Variants in SIAH3 observed in about 807,000 individuals in gnomAD.
The protein encoded by SIAH3 is siah E3 ubiquitin protein ligase family member 3.
Under a neutral mutation model 12.6 loss-of-function variants are expected in SIAH3, and 9 were observed. The observed-to-expected ratio is 0.72, with a 90% CI of 0.43 to 1.25. SIAH3 has a LOEUF of 1.25. Ranked by LOEUF, SIAH3 falls within the 50% of genes most tolerant of loss-of-function variation. The pLI, the probability that SIAH3 is intolerant of heterozygous loss-of-function variation, is 0.00. For missense variants in SIAH3, 390 were observed against 365.4 expected, an observed-to-expected ratio of 1.07 and a Z score of -0.55; for synonymous variants, 154 against 151.1, an observed-to-expected ratio of 1.02 and a Z score of -0.14.
intron 1 of SIAH3, among the ~76,000 whole-genome samples, chr13:45,829,522 T>C (rs1950690961): frequency 6.6e-6 from 1 of 152,140 alleles, no homozygotes; most frequent in Non-Finnish European, 1.5e-5. Flanking sequence ...AGTTGGAGGA[T>C]TGCTTGAGCC....
chr13:45,838,126 A>T (rs1950725344), intron 1 of SIAH3, among the ~76,000 whole-genome samples: 2 of 152,182 alleles, frequency 1.3e-5, no homozygotes, highest in Admixed American at 1.3e-4. Context: ...AGGGAGGTAA[A>T]GGGCAAGTGT....
chr13:45,850,327 G>A (rs1159601084), intron 1 of SIAH3, among the ~76,000 whole-genome samples: 1 of 152,200 alleles, frequency 6.6e-6, no homozygotes, highest in Non-Finnish European at 1.5e-5. Flanking sequence ...CAGTCCGGCC[G>A]TGGGAGTTTA....
chr13:45,799,688 G>A (rs1950574992), intron 1 of SIAH3, among the ~76,000 whole-genome samples: 1 of 152,156 alleles, frequency 6.6e-6, no homozygotes, highest in Admixed American at 6.5e-5. Context: ...TGGGCACTGT[G>A]CCCCAGGCTT....
At chr13:45,834,184 A>C (rs923858436) in intron 1 of SIAH3, among the ~76,000 whole-genome samples, 3 of 152,200 alleles carry the variant, frequency 2.0e-5, no homozygotes, top group African/African-American at 7.2e-5. Flanking sequence ...TCTTACTAGA[A>C]TTATCCTGGA....
intron 1 of SIAH3, among the ~76,000 whole-genome samples, chr13:45,798,994 A>C (rs1950572612): frequency 6.6e-6 from 1 of 152,176 alleles, no homozygotes; most frequent in Non-Finnish European, 1.5e-5. Context: ...GCCTCACGAC[A>C]AGTAGTCCAA....
intron 1 of SIAH3, among the ~76,000 whole-genome samples, chr13:45,822,336 A>G (rs987169840): frequency 6.6e-6 from 1 of 151,898 alleles, no homozygotes; most frequent in Non-Finnish European, 1.5e-5. Flanking sequence ...GCAATCATTC[A>G]TTATTTTTTC....
At chr13:45,847,118 T>C (rs1329778324) in intron 1 of SIAH3, among the ~76,000 whole-genome samples, 1 of 152,106 alleles carries the variant, frequency 6.6e-6, no homozygotes, top group Non-Finnish European at 1.5e-5. Context: ...GACAGTGAAA[T>C]GCCCAGAGGA....
chr13:45,790,811 C>T (rs1413364121), intron 1 of SIAH3, among the ~76,000 whole-genome samples: 1 of 152,218 alleles, frequency 6.6e-6, no homozygotes, highest in Non-Finnish European at 1.5e-5. Context: ...TGCCTCCCTA[C>T]CTGACTTGTG....
intron 1 of SIAH3, among the ~76,000 whole-genome samples, chr13:45,808,468 A>G (rs1266191759): frequency 1.3e-5 from 2 of 152,336 alleles, no homozygotes; most frequent in Non-Finnish European, 2.9e-5. Flanking sequence ...CATCAATGAC[A>G]TGGTGACTTT....
intron 1 of SIAH3, among the ~76,000 whole-genome samples, chr13:45,827,428 C>G: frequency 6.6e-6 from 1 of 152,198 alleles, no homozygotes; most frequent in Admixed American, 6.5e-5. Context: ...AAACAAACCT[C>G]TACTTATTCA....
chr13:45,851,176 G>A (rs1359386123), intron 1 of SIAH3, among the ~76,000 whole-genome samples: 1 of 152,108 alleles, frequency 6.6e-6, no homozygotes, highest in Non-Finnish European at 1.5e-5. Context: ...GGGAGTGATG[G>A]GGACGCCCCC....
intron 1 of SIAH3, among the ~76,000 whole-genome samples, chr13:45,814,861 T>C (rs1210682868): frequency 1.3e-5 from 2 of 152,092 alleles, no homozygotes; most frequent in Non-Finnish European, 2.9e-5. Context: ...TAGCTGGGAT[T>C]ATAGGTGTGT....
chr13:45,843,244 C>T (rs1950747243), intron 1 of SIAH3, among the ~76,000 whole-genome samples: 1 of 152,092 alleles, frequency 6.6e-6, no homozygotes, highest in Admixed American at 6.5e-5. Context: ...GCTGTGTCCT[C>T]AAGGTGCAAC....
At position 45,838,156 on chromosome 13, in the gene SIAH3, T is replaced by A. The variant is rs1275092390; in HGVS notation, c.135+13339A>T. ...AAGTGTCATCTTCTCATCTGACAGA[T>A]GAAGTAGCCAAGGTTAAGTGACTTG... On this transcript the variant is annotated intron_variant, in intron 1 of 1. Coordinates refer to ENST00000400405, the MANE Select transcript of SIAH3 (RefSeq NM_198849.3). Among the ~76,000 whole-genome samples the A allele has an allele frequency of 2.8e-5, 4 of 143,278 alleles. No homozygotes were observed. The Admixed American group carries it at 3.0e-4, about 11-fold the overall frequency. 94.0% of individuals were successfully genotyped at this position (143,278 alleles called of 152,430 possible).
chr13:45,808,161 ATTTTCTG>A (rs1950604167), intron 1 of SIAH3, among the ~76,000 whole-genome samples: 1 of 152,142 alleles, frequency 6.6e-6, no homozygotes, highest in Non-Finnish European at 1.5e-5. Flanking sequence ...TCAGGGCTTG[ATTTTCTG>A]TTTTGTTGAT....
At chr13:45,828,938 C>G (rs1950688746) in intron 1 of SIAH3, among the ~76,000 whole-genome samples, 1 of 136,998 alleles carries the variant, frequency 7.3e-6, no homozygotes, top group Non-Finnish European at 1.6e-5. Context: ...AGAATTAACT[C>G]TATTTTTTTT....
At chr13:45,824,601 C>T (rs1950667176) in intron 1 of SIAH3, among the ~76,000 whole-genome samples, 1 of 152,168 alleles carries the variant, frequency 6.6e-6, no homozygotes, top group Non-Finnish European at 1.5e-5. Context: ...ATGATTCCAA[C>T]ATGCAGGTGG....
In SIAH3 at chr13:45,783,797, C is replaced by A. The variant is rs755832244; in HGVS notation, c.396G>T (p.Arg132Ser). The change falls in exon 2 of 2, where the codon AGG (arginine) becomes AGT (serine). Residue 132 changes from arginine (R) to serine (S), a missense_variant. Coordinates refer to ENST00000400405, the MANE Select transcript of SIAH3 (RefSeq NM_198849.3). Reference protein sequence around the residue: ...VVVPHLRQIHRVDILQGAEIV... With the variant: ...VVVPHLRQIHSVDILQGAEIV... ...TCTCGGCTCCCTGGAGGATGTCAAC[C>A]CTATGGATCTGCCGCAGGTGGGGCA... is the stretch of plus-strand genomic sequence containing the variant. 1 of 1,614,104 alleles carries A rather than the reference C, an allele frequency of 6.2e-7. No individual in the cohort carries two copies.
chr13:45,842,202 C>T (rs192844017), intron 1 of SIAH3, among the ~76,000 whole-genome samples: 3 of 152,312 alleles, frequency 2.0e-5, no homozygotes, highest in African/African-American at 7.2e-5. Context: ...AGTTTGGTCA[C>T]CCAAACTTAG....
Sources: allele counts gnomAD v4.1 joint callset (sites outside exome capture counted in the v4.1 genomes callset), GRCh38; gene constraint gnomAD v4.1.1; transcripts MANE v1.5; gene names NCBI Gene and HGNC (gene_info 2026-07-23, HGNC 2026-07-21).